The following ARHGAP15 variants were observed in gnomAD, a reference collection of about 807,000 sequenced individuals.
ARHGAP15 encodes rho GTPase-activating protein 15.
A neutral mutation model predicts 63.7 loss-of-function variants in ARHGAP15; 51 were observed. The ratio of observed to expected loss-of-function variants is 0.80; its 90% CI spans 0.64 to 1.01. ARHGAP15 has a LOEUF of 1.01. ARHGAP15 is among the 50% of genes least tolerant of loss of function. The pLI, the probability that ARHGAP15 is intolerant of heterozygous loss-of-function variation, is 0.00. For missense variants in ARHGAP15, 560 were observed against 564.6 expected (o/e 0.99, Z 0.08); for synonymous variants, 191 against 193.8 (o/e 0.99, Z 0.12).
At chr2:143,408,153 T>A (rs1258548463) in intron 6 of ARHGAP15, among the ~76,000 whole-genome samples, 1 of 149,272 alleles carries the variant, frequency 6.7e-6, no homozygotes, top group Non-Finnish European at 1.5e-5. Context: ...AGGGTTGATT[T>A]CAATTTCAAA....
intron 6 of ARHGAP15, among the ~76,000 whole-genome samples, chr2:143,347,455 CTCTTT>C (rs1323346431): frequency 6.6e-6 from 1 of 152,050 alleles, no homozygotes; most frequent in Non-Finnish European, 1.5e-5. Flanking sequence ...GGGAATGCAG[CTCTTT>C]TCTTTCTCTG....
chr2:143,281,349 TTGGA>T (rs1344818571), intron 6 of ARHGAP15, among the ~76,000 whole-genome samples: 1 of 152,114 alleles, frequency 6.6e-6, no homozygotes, highest in Non-Finnish European at 1.5e-5. Context: ...GACCAAGAGC[TTGGA>T]TGAAGTCTTT....
At position 143,229,706 on chromosome 2, in the gene ARHGAP15, G is replaced by A. The variant is rs541521961; in HGVS notation, c.384+1038G>A. ...TGTATTTGACAGGTAATAAAACGAT[G>A]GGAAGTTCTTTGCTCTCCAGCCACT... On this transcript the variant is annotated intron_variant, in intron 5 of 13. Transcript: ENST00000295095. Among the ~76,000 whole-genome samples the A allele has an allele frequency of 2.0e-5, 3 of 152,240 alleles. No homozygotes were observed. In the South Asian group the frequency reaches 6.2e-4, roughly 32 times the overall value.
Position 143,346,656 on chromosome 2 carries a change from C to G in ARHGAP15, c.475-88945C>G, listed in dbSNP as rs189273510. On this transcript the variant is annotated intron_variant, in intron 6 of 13. Transcript: ENST00000295095. ...AAGAGGAGAATCATTTTGAAGTGCT[C>G]GCTATCTGTCTGAGACGATAGGCTT... is the stretch of plus-strand genomic sequence containing the variant. 2.1e-3 allele frequency among the ~76,000 whole-genome samples: 322 copies of G among 152,174 alleles called. 2 individuals carry two copies. Among genetic ancestry groups the G allele is most frequent in the Admixed American group, 5.5e-3 (84 of 15,276 alleles).
chr2:143,567,314 T>C (rs1696269361), intron 11 of ARHGAP15, among the ~76,000 whole-genome samples: 1 of 152,188 alleles, frequency 6.6e-6, no homozygotes, highest in Admixed American at 6.5e-5. Flanking sequence ...TGAATGAATC[T>C]AACAAACAAG....
intron 2 of ARHGAP15, among the ~76,000 whole-genome samples, chr2:143,166,001 A>AGAAG (rs1553442877): frequency 9.9e-4 from 100 of 101,144 alleles, no homozygotes; most frequent in African/African-American, 3.4e-3. Flanking sequence ...AAAGAAAGAA[A>AGAAG]GAAGGAAGGA....
At chr2:143,726,475 T>A (rs1157606825) in intron 13 of ARHGAP15, among the ~76,000 whole-genome samples, 1 of 151,602 alleles carries the variant, frequency 6.6e-6, no homozygotes, top group East Asian at 1.9e-4. Context: ...GAGAGCCTGG[T>A]CTATAGGAAA....
intron 6 of ARHGAP15, among the ~76,000 whole-genome samples, chr2:143,400,591 A>T (rs188036656): frequency 7.9e-5 from 12 of 152,104 alleles, no homozygotes; most frequent in African/African-American, 2.9e-4. Flanking sequence ...CACATGCAAA[A>T]TTGAAATGGA....
intron 6 of ARHGAP15, among the ~76,000 whole-genome samples, chr2:143,420,327 A>T (rs1688865216): frequency 6.6e-6 from 1 of 152,166 alleles, no homozygotes; most frequent in Admixed American, 6.6e-5. Context: ...AAAAGAGAGC[A>T]ATCTTAGAGC....
chr2:143,714,681 C>T (rs893201834), intron 13 of ARHGAP15, among the ~76,000 whole-genome samples: 3 of 152,210 alleles, frequency 2.0e-5, no homozygotes, highest in African/African-American at 7.2e-5. Context: ...CCACCAGATA[C>T]CCTAAATCAT....
chr2:143,202,331 TA>T, intron 3 of ARHGAP15, 129 bp downstream of exon 3: 1 of 709,924 alleles, frequency 1.4e-6, no homozygotes, highest in South Asian at 1.7e-5. Flanking sequence ...CACCACTTAG[TA>T]GAGGGATCTA....
At position 143,486,144 on chromosome 2, in the gene ARHGAP15, T is replaced by C. The variant is rs142834756; in HGVS notation, c.704-1229T>C. On this transcript the variant is annotated intron_variant, in intron 8 of 13. Transcript: ENST00000295095. ...AGATTTTCAAAAGCATATCTATATTTATTAAAAAGAATACCTAATAAAGTA... is the reference window on the plus strand; with the variant it reads ...AGATTTTCAAAAGCATATCTATATTCATTAAAAAGAATACCTAATAAAGTA... 5.3e-5 allele frequency among the ~76,000 whole-genome samples: 8 copies of C among 152,270 alleles called. No individual in the cohort carries two copies. The East Asian group carries it at 1.5e-3, about 29-fold the overall frequency.
In ARHGAP15 at chr2:143,290,186, G is replaced by T. The variant is rs527627268; in HGVS notation, c.474+39586G>T. 1.2e-3 allele frequency among the ~76,000 whole-genome samples: 178 copies of T among 152,244 alleles called. 1 individual carries two copies. Among genetic ancestry groups the T allele is most frequent in the Non-Finnish European group, 2.2e-3 (150 of 68,028 alleles). ...TTTCCCAATAGCTATTTACGATCAG[G>T]AGAAGGGTAGAGTAAAGGGATGCTG... On this transcript the variant is annotated intron_variant, in intron 6 of 13. Coordinates refer to ENST00000295095, the MANE Select transcript of ARHGAP15 (RefSeq NM_018460.4).
intron 9 of ARHGAP15, among the ~76,000 whole-genome samples, chr2:143,508,077 T>A (rs75184425): frequency 3.3e-5 from 5 of 152,236 alleles, no homozygotes; most frequent in Non-Finnish European, 7.4e-5. Flanking sequence ...AAACTCATTC[T>A]TAATATCTAA....
At chr2:143,245,693 T>C (rs998077982) in intron 5 of ARHGAP15, among the ~76,000 whole-genome samples, 3 of 151,778 alleles carry the variant, frequency 2.0e-5, no homozygotes, top group Non-Finnish European at 4.4e-5. Context: ...GGGGAGAAAG[T>C]AGAACGAAAT....
At chr2:143,267,999 A>T (rs556397853) in intron 6 of ARHGAP15, among the ~76,000 whole-genome samples, 2 of 152,250 alleles carry the variant, frequency 1.3e-5, no homozygotes, top group African/African-American at 4.8e-5. Context: ...GCTTGGGAAA[A>T]AACCATCTGT....
At chr2:143,668,377 A>G (rs140342907) in intron 12 of ARHGAP15, among the ~76,000 whole-genome samples, 3 of 151,966 alleles carry the variant, frequency 2.0e-5, no homozygotes, top group East Asian at 1.9e-4. Flanking sequence ...TGAATTGTTC[A>G]TCTGTGTGTA....
chr2:143,249,877 T>C (rs930274948), intron 5 of ARHGAP15, among the ~76,000 whole-genome samples: 5 of 152,148 alleles, frequency 3.3e-5, no homozygotes, highest in Non-Finnish European at 5.9e-5. Flanking sequence ...ATTATATTTG[T>C]GTGTATAGTC....
chr2:143,270,831 C>T (rs1430053796), intron 6 of ARHGAP15, among the ~76,000 whole-genome samples: 2 of 152,072 alleles, frequency 1.3e-5, no homozygotes, highest in Non-Finnish European at 2.9e-5. Context: ...TGTAAGTAAC[C>T]TCTTTGGCAC....
Sources: allele counts gnomAD v4.1 joint callset (sites outside exome capture counted in the v4.1 genomes callset), GRCh38; gene constraint gnomAD v4.1.1; transcripts MANE v1.5; gene names NCBI Gene and HGNC (gene_info 2026-07-23, HGNC 2026-07-21).